SLC12A9: variants seen among roughly 807,000 people sequenced by gnomAD.
SLC12A9 encodes the protein CCC-interacting protein 1.
SLC12A9 carries 55 observed loss-of-function variants against 66.0 expected under a neutral mutation model. That is an observed-to-expected ratio of 0.83 (90% CI 0.67 to 1.04). The LOEUF is 1.04. SLC12A9 is among the 50% of genes least tolerant of loss of function. The pLI is 0.00. For missense variants in SLC12A9, 1,061 were observed against 1,241.9 expected, an observed-to-expected ratio of 0.85 and a Z score of 2.19; for synonymous variants, 577 against 569.0, an observed-to-expected ratio of 1.01 and a Z score of -0.20.
chr7:100,847,922 C>T (rs1029032475), upstream of SLC12A9, among the ~76,000 whole-genome samples: 2 of 151,636 alleles, frequency 1.3e-5, no homozygotes, highest in Non-Finnish European at 2.9e-5. Context: ...CCCATCACTA[C>T]TAAAAATACA....
chr7:100,857,740 C>T (rs922283271), intron 5 of SLC12A9: 6 of 153,208 alleles, frequency 3.9e-5, no homozygotes, highest in Non-Finnish European at 5.8e-5. Context: ...ACCCTCTCCC[C>T]GTCTCTACTA....
At position 100,855,821 on chromosome 7, in the gene SLC12A9, T is replaced by C; in HGVS notation, c.432T>C (p.Leu144=). 6.2e-7 allele frequency: 1 copy of C among 1,610,980 alleles called. No homozygotes were observed. The highest frequency in any genetic ancestry group is 8.5e-7 in the Non-Finnish European group (1 of 1,178,366). ...TCCTGGGGCTGGTGGAGTCTGTGCTTGATGTCTTCGGGGCCGGTCTGTGCT... is the reference window on the plus strand; with the variant it reads ...TCCTGGGGCTGGTGGAGTCTGTGCTCGATGTCTTCGGGGCCGGTCTGTGCT... ...VSLLGLVESV[L]DVFGADATGP... Residue 144 remains leucine (L), a synonymous_variant, in exon 4 of 14, where the codon CTT becomes CTC. Transcript: ENST00000354161.
chr7:100,834,679 C>G (rs1584676180), intron 1 of SLC12A9, among the ~76,000 whole-genome samples: 1 of 152,106 alleles, frequency 6.6e-6, no homozygotes, highest in East Asian at 1.9e-4. Flanking sequence ...ACCAGGAGTA[C>G]AAGACCAGCC....
In SLC12A9 at chr7:100,859,166, C is replaced by T; in HGVS notation, c.977+5C>T. 6.2e-7 allele frequency: 1 copy of T among 1,613,150 alleles called. No homozygotes were observed. The highest frequency in any genetic ancestry group is 8.5e-7 in the Non-Finnish European group (1 of 1,179,346). On this transcript the variant is annotated splice_donor_5th_base_variant and intron_variant, in intron 7 of 13. Coordinates refer to ENST00000354161, the MANE Select transcript of SLC12A9 (RefSeq NM_020246.4). ...CTCCAGCTTCACTTGTGACAGGTGTCTGGGGAGGGATGGGGGTGGAGTGTC... is the reference window on the plus strand; with the variant it reads ...CTCCAGCTTCACTTGTGACAGGTGTTTGGGGAGGGATGGGGGTGGAGTGTC...
intron 13 of SLC12A9, chr7:100,865,306 C>G (rs535491182): frequency 2.6e-6 from 4 of 1,535,702 alleles, no homozygotes; most frequent in Admixed American, 3.9e-5. Flanking sequence ...CGCTATTACC[C>G]TGGGGATTCA....
In SLC12A9 at chr7:100,854,241, G is replaced by A; in HGVS notation, c.44G>A (p.Gly15Glu). ...CCTCTGCTGGCCTACCGGCTCCTGG[G>A]GGAGGAGGGGGTTGCCCTCCCTGCC... ...SSPLLAYRLLGEEGVALPANG... is the reference protein window; with the variant it reads ...SSPLLAYRLLEEEGVALPANG... The change falls in exon 2 of 14, where the codon GGG becomes GAG. Residue 15 changes from glycine to glutamate, a missense_variant. Physicochemically the swap from Gly to Glu is moderately conservative, Grantham distance 98. Coordinates refer to ENST00000354161, the MANE Select transcript of SLC12A9 (RefSeq NM_020246.4). The A allele has an allele frequency of 6.3e-7, 1 of 1,577,614 alleles. No homozygotes were observed. Among genetic ancestry groups the A allele is most frequent in the Non-Finnish European group, 8.5e-7 (1 of 1,170,664 alleles).
upstream of SLC12A9, among the ~76,000 whole-genome samples, chr7:100,848,597 T>G (rs1199161302): frequency 2.0e-5 from 3 of 151,870 alleles, no homozygotes; most frequent in Non-Finnish European, 2.9e-5. Context: ...GTATAAATGT[T>G]GAAAAGAGGT....
At position 100,858,453 on chromosome 7, in the gene SLC12A9, G is replaced by A. The variant is rs574351706; in HGVS notation, c.758-382G>A. 5 of 165,386 alleles carry A rather than the reference G, an allele frequency of 3.0e-5. No homozygotes were observed. In the South Asian group the frequency reaches 8.3e-4, roughly 28 times the overall value. 10.2% of individuals were successfully genotyped at this position (165,386 alleles called of 1,614,324 possible). Reference sequence around the variant, plus strand: ...TAAAATTAAAAAGTTAGATGGGCATGGTGGTGCACACCTGTAGTCCCAGCT... The same window carrying A: ...TAAAATTAAAAAGTTAGATGGGCATAGTGGTGCACACCTGTAGTCCCAGCT... On this transcript the variant is annotated intron_variant, in intron 5 of 13. Coordinates refer to ENST00000354161, the MANE Select transcript of SLC12A9 (RefSeq NM_020246.4).
At chr7:100,837,851 ATTTTTTTTTTTTTTTTTTT>A (rs11285489) in intron 1 of SLC12A9, among the ~76,000 whole-genome samples, 1 of 79,654 alleles carries the variant, frequency 1.3e-5, no homozygotes, top group African/African-American at 5.5e-5. Flanking sequence ...ATTTATTTCA[ATTTTTTTTTTTTTTTTTTT>A]TTTTTTTTGA....
chr7:100,862,855 G>A (rs1814844704), intron 13 of SLC12A9, 28 bp downstream of exon 13: 13 of 1,612,668 alleles, frequency 8.1e-6, no homozygotes, highest in South Asian at 4.4e-5. Context: ...GGATGCCCTC[G>A]GCCTTCCTCT....
exon 1 of SLC12A9, chr7:100,826,955 GC>G (rs141919245): frequency 1.8e-4 from 262 of 1,484,808 alleles, no homozygotes; most frequent in African/African-American, 1.8e-3. Context: ...GACGGGGTGC[GC>G]CCCCCCCCGC....
At position 100,857,174 on chromosome 7, in the gene SLC12A9, G is replaced by A. The variant is rs143666254; in HGVS notation, c.755G>A (p.Gly252Asp). ...FNSSTLKDNLGAGYAEDYTTG... is the reference protein window; with the variant it reads ...FNSSTLKDNLDAGYAEDYTTG... ...AGCAGTACCCTGAAGGACAACTTGG[G>A]CGGTGAGCTGGGTGCTGCCGTGGCA... Residue 252 changes from glycine (G) to aspartate (D), a missense_variant and splice_region_variant, in exon 5 of 14, where the codon GGC (glycine) becomes GAC (aspartate). By Grantham distance (94) the Gly-to-Asp change is moderately conservative. Transcript: ENST00000354161. 5.9e-3 allele frequency: 9,536 copies of A among 1,608,780 alleles called. 33 individuals carry two copies. The highest frequency in any genetic ancestry group is 7.5e-3 in the Non-Finnish European group (8,790 of 1,176,092).
At position 100,860,979 on chromosome 7, in the gene SLC12A9, T is replaced by C. The variant is rs1191291902; in HGVS notation, c.1219-159T>C. On this transcript the variant is annotated intron_variant, in intron 9 of 13. Coordinates refer to ENST00000354161, the MANE Select transcript of SLC12A9 (RefSeq NM_020246.4). ...GGTTTAATAGCATTTTGGGGGTTCA[T>C]TGACACTTTGGGGGTGCACTGGCAC... 8.4e-6 allele frequency: 11 copies of C among 1,307,868 alleles called. No individual in the cohort carries two copies. The East Asian group carries it at 9.5e-5, about 11-fold the overall frequency. The allele number at this position is 1,307,868 out of a possible 1,614,324, so 81.0% of individuals were successfully genotyped here. A position where few individuals can be genotyped will look rare whatever the true frequency, so the allele number is the denominator to read the frequency against.
At chr7:100,863,694 G>T (rs1180904777) in intron 13 of SLC12A9, among the ~76,000 whole-genome samples, 1 of 152,236 alleles carries the variant, frequency 6.6e-6, no homozygotes, top group Non-Finnish European at 1.5e-5. Flanking sequence ...TAAATTCTCA[G>T]CTTTTAGCGC....
chr7:100,866,715 C>G lies in SLC12A9; in HGVS notation c.*110C>G. The G allele has an allele frequency of 8.3e-7, 1 of 1,211,490 alleles. No homozygotes were observed. Among genetic ancestry groups the G allele is most frequent in the East Asian group, 2.8e-5 (1 of 36,032 alleles). 75.0% of individuals were successfully genotyped at this position (1,211,490 alleles called of 1,614,324 possible). Reference sequence around the variant, plus strand: ...GTGGCCCGTGGCCCTGCCCTTGGGACGTGGAGCCCAGGGGAGGTTTGAAGG... The same window carrying G: ...GTGGCCCGTGGCCCTGCCCTTGGGAGGTGGAGCCCAGGGGAGGTTTGAAGG... On this transcript the variant is annotated 3_prime_UTR_variant, in exon 14 of 14. Transcript: ENST00000354161. The surrounding 1 kb of genome is among the most constrained non-coding windows in gnomAD (Gnocchi z 7.3).
At position 100,864,683 on chromosome 7, in the gene SLC12A9, A is replaced by C. The variant is rs575844940; in HGVS notation, c.1859-1036A>C. ...CGCTGGATGGAGGCGGATTGCGTTG[A>C]CCTACCTGCCCCAGTACCTACCAGA... On this transcript the variant is annotated intron_variant, in intron 13 of 13. Transcript: ENST00000354161. 2.6e-5 allele frequency among the ~76,000 whole-genome samples: 4 copies of C among 152,236 alleles called. No homozygotes were observed. The South Asian group carries it at 6.2e-4, about 24-fold the overall frequency.
At chr7:100,833,311 A>G (rs1813579776) in intron 1 of SLC12A9, among the ~76,000 whole-genome samples, 1 of 150,770 alleles carries the variant, frequency 6.6e-6, no homozygotes, top group Non-Finnish European at 1.5e-5. Flanking sequence ...TCTACTAAAA[A>G]TAGAAAAATT....
upstream of SLC12A9, among the ~76,000 whole-genome samples, chr7:100,849,851 C>T (rs1349674346): frequency 6.6e-6 from 1 of 151,678 alleles, no homozygotes; most frequent in Non-Finnish European, 1.5e-5. Context: ...TGTGCCCCTT[C>T]TCTCTCTCCC....
chr7:100,832,367 C>T (rs1479136832), intron 1 of SLC12A9, among the ~76,000 whole-genome samples: 2 of 152,024 alleles, frequency 1.3e-5, no homozygotes, highest in Non-Finnish European at 2.9e-5. Flanking sequence ...TAAAAAATAG[C>T]TGGGCGTGGT....
Sources: allele counts gnomAD v4.1 joint callset (sites outside exome capture counted in the v4.1 genomes callset), GRCh38; gene constraint gnomAD v4.1.1; non-coding constraint Gnocchi (gnomAD v3.1); transcripts MANE v1.5; gene names NCBI Gene and HGNC (gene_info 2026-07-23, HGNC 2026-07-21).